Variants in BTBD9 observed in about 807,000 individuals in gnomAD.
The protein encoded by BTBD9 is BTB domain containing 9.
A neutral mutation model predicts 64.3 loss-of-function variants in BTBD9; 49 were observed. The observed-to-expected ratio is 0.76, with a 90% CI of 0.61 to 0.97. BTBD9 has a LOEUF of 0.97. BTBD9 is among the 50% of genes least tolerant of loss of function. The pLI is 0.00. For missense variants in BTBD9, 598 were observed against 762.1 expected, an observed-to-expected ratio of 0.78 and a Z score of 2.53; for synonymous variants, 260 against 274.7, an observed-to-expected ratio of 0.95 and a Z score of 0.53.
At position 38,613,145 on chromosome 6, in the gene BTBD9, A is replaced by C. The variant is rs143396876; in HGVS notation, c.-27-15024T>G. 1.2e-3 allele frequency: 190 copies of C among 152,366 alleles called. 6 individuals are homozygous for C. In the East Asian group the frequency reaches 0.035, roughly 28 times the overall value. The allele number at this position is 152,366 out of a possible 1,614,324, so 9.4% of individuals were successfully genotyped here. ...TATTTTAGATATATTAGTCTTCATA[A>C]AATATATTAAAATGAATTTCAACTG... On this transcript the variant is annotated intron_variant, in intron 1 of 10. Transcript: ENST00000481247.
intron 6 of BTBD9, among the ~76,000 whole-genome samples, chr6:38,382,914 A>T (rs961486962): frequency 1.3e-5 from 2 of 152,216 alleles, no homozygotes; most frequent in Non-Finnish European, 2.9e-5. Context: ...AACAGTTAAT[A>T]GTCTTCCCAC....
chr6:38,580,482 A>C (rs1023911497), intron 4 of BTBD9, 45 bp from the exon 5 acceptor site: 2 of 1,499,222 alleles, frequency 1.3e-6, no homozygotes, highest in Non-Finnish European at 1.8e-6. Flanking sequence ...TTACTTATTT[A>C]TTCTGTATTT....
Position 38,416,383 on chromosome 6 carries a change from G to A in BTBD9, c.1155-71290C>T, listed in dbSNP as rs1228509972. Reference sequence around the variant, plus strand: ...GGAGTCTTGCTCTGTCACCCCGGCTGGAGTGCAGTGGCGTGATCTCGGCTC... The same window carrying A: ...GGAGTCTTGCTCTGTCACCCCGGCTAGAGTGCAGTGGCGTGATCTCGGCTC... On this transcript the variant is annotated intron_variant, in intron 6 of 10. Coordinates refer to ENST00000481247, the MANE Select transcript of BTBD9 (RefSeq NM_001099272.2). Among the ~76,000 whole-genome samples, 24 of 149,996 alleles carry A rather than the reference G, an allele frequency of 1.6e-4. 1 individual carries two copies. The highest frequency in any genetic ancestry group is 1.6e-3 in the Admixed American group (24 of 15,020).
rs1025686628 is a variant in BTBD9 at position 38,179,429 on chromosome 6, C to G, written c.1642-4247G>C. ...GTTCCCTGGAAGGGACGGGGGCGGG[C>G]ATACTGCGGTGCTACAGAAGGTGGC... On this transcript the variant is annotated intron_variant, in intron 10 of 10. Coordinates refer to ENST00000481247, the MANE Select transcript of BTBD9 (RefSeq NM_001099272.2). 2.4e-5 allele frequency: 11 copies of G among 456,620 alleles called. No homozygotes were observed. The Admixed American group carries it at 2.6e-4, about 11-fold the overall frequency. The allele number at this position is 456,620 out of a possible 1,614,324, so 28.3% of individuals were successfully genotyped here. A position where few individuals can be genotyped will look rare whatever the true frequency, so the allele number is the denominator to read the frequency against.
At chr6:38,383,815 G>A (rs559659938) in intron 6 of BTBD9, among the ~76,000 whole-genome samples, 7 of 152,212 alleles carry the variant, frequency 4.6e-5, no homozygotes, top group South Asian at 4.2e-4. Context: ...GAATGTTTGC[G>A]TCCACCCCTC....
At chr6:38,436,815 T>C (rs974475851) in intron 6 of BTBD9, among the ~76,000 whole-genome samples, 2 of 152,216 alleles carry the variant, frequency 1.3e-5, no homozygotes, top group Non-Finnish European at 2.9e-5. Flanking sequence ...ACAGCATCTC[T>C]GACTCATGGT....
Position 38,382,711 on chromosome 6 carries a change from T to C in BTBD9, c.1155-37618A>G, listed in dbSNP as rs553816001. 7.9e-5 allele frequency among the ~76,000 whole-genome samples: 12 copies of C among 152,088 alleles called. No homozygotes were observed. In the South Asian group the frequency reaches 2.1e-3, roughly 26 times the overall value. On this transcript the variant is annotated intron_variant, in intron 6 of 10. Coordinates refer to ENST00000481247, the MANE Select transcript of BTBD9 (RefSeq NM_001099272.2). ...AAAAGAGAGAAAGGACAAACAATTT[T>C]AGGCATGAGGAAAACAAAATACTTA...
At chr6:38,589,172 C>T (rs1177813451) in intron 4 of BTBD9, among the ~76,000 whole-genome samples, 1 of 152,170 alleles carries the variant, frequency 6.6e-6, no homozygotes, top group Non-Finnish European at 1.5e-5. Context: ...CATTGATGAA[C>T]AACAATCTGT....
At chr6:38,567,007 A>G (rs532970786) in intron 6 of BTBD9, among the ~76,000 whole-genome samples, 117 of 152,284 alleles carry the variant, frequency 7.7e-4, no homozygotes, top group African/African-American at 2.7e-3. Context: ...ATTACTGTTG[A>G]TTTGCAACTC....
chr6:38,236,469 GA>G (rs1486811789), intron 9 of BTBD9, among the ~76,000 whole-genome samples: 4 of 152,194 alleles, frequency 2.6e-5, no homozygotes, highest in Non-Finnish European at 5.9e-5. Flanking sequence ...CAGTGAAGGG[GA>G]AACCACTTCT....
At position 38,441,756 on chromosome 6, in the gene BTBD9, T is replaced by C. The variant is rs567841998; in HGVS notation, c.1155-96663A>G. Among the ~76,000 whole-genome samples, 11 of 152,298 alleles carry C rather than the reference T, an allele frequency of 7.2e-5. 1 individual carries two copies. The highest frequency in any genetic ancestry group is 1.3e-4 in the Admixed American group (2 of 15,298). On this transcript the variant is annotated intron_variant, in intron 6 of 10. Transcript: ENST00000481247. ...AGAAAGCAATAATAGCTGGCATTTA[T>C]TGAGCTTTTACTGGGTGCCAGATAC...
At chr6:38,206,176 G>A (rs1417267902) in intron 9 of BTBD9, among the ~76,000 whole-genome samples, 1 of 151,804 alleles carries the variant, frequency 6.6e-6, no homozygotes, top group Non-Finnish European at 1.5e-5. Flanking sequence ...ATCAGTGATA[G>A]TACACAGAAA....
At chr6:38,496,292 T>C (rs1221628166) in intron 6 of BTBD9, among the ~76,000 whole-genome samples, 4 of 152,156 alleles carry the variant, frequency 2.6e-5, no homozygotes, top group Non-Finnish European at 5.9e-5. Context: ...AGATGTAAGA[T>C]TTGTAAGTTT....
intron 7 of BTBD9, among the ~76,000 whole-genome samples, chr6:38,322,926 C>T (rs1020251429): frequency 2.0e-5 from 3 of 152,010 alleles, no homozygotes; most frequent in African/African-American, 7.2e-5. Flanking sequence ...CGTACTATAT[C>T]CTCAAGACAA....
chr6:38,534,878 T>C (rs899971978), intron 6 of BTBD9, among the ~76,000 whole-genome samples: 4 of 151,964 alleles, frequency 2.6e-5, no homozygotes, highest in Non-Finnish European at 4.4e-5. Context: ...TTCAACATAA[T>C]AAAAGCGATA....
chr6:38,607,216 A>G (rs980963852), intron 1 of BTBD9, among the ~76,000 whole-genome samples: 1 of 152,214 alleles, frequency 6.6e-6, no homozygotes, highest in African/African-American at 2.4e-5. Flanking sequence ...ATATGCATCA[A>G]TATATACTAC....
intron 6 of BTBD9, among the ~76,000 whole-genome samples, chr6:38,513,329 T>C (rs1285644527): frequency 6.6e-6 from 1 of 151,856 alleles, no homozygotes; most frequent in African/African-American, 2.4e-5. Context: ...ATGCCTATAG[T>C]CCCAGCTACT....
chr6:38,498,581 G>A (rs912315154), intron 6 of BTBD9, among the ~76,000 whole-genome samples: 1 of 151,980 alleles, frequency 6.6e-6, no homozygotes, highest in Non-Finnish European at 1.5e-5. Context: ...CGTTGGCCTG[G>A]GCAAGTCACA....
chr6:38,357,631 GACTT>G (rs1251714003), intron 6 of BTBD9, among the ~76,000 whole-genome samples: 1 of 152,140 alleles, frequency 6.6e-6, no homozygotes, highest in Non-Finnish European at 1.5e-5. Flanking sequence ...GTCTTTGCTG[GACTT>G]ACTGAGTCTG....
Sources: allele counts gnomAD v4.1 joint callset (sites outside exome capture counted in the v4.1 genomes callset), GRCh38; gene constraint gnomAD v4.1.1; transcripts MANE v1.5; gene names NCBI Gene and HGNC (gene_info 2026-07-23, HGNC 2026-07-21).